DAB1: variants seen among roughly 807,000 people sequenced by gnomAD.
The protein encoded by DAB1 is disabled homolog 1.
Under a neutral mutation model 64.6 loss-of-function variants are expected in DAB1, and 15 were observed. The observed-to-expected ratio is 0.23, with a 90% CI of 0.16 to 0.36. The LOEUF is 0.36. Among genes scored for constraint, DAB1 ranks in the 10% least tolerant of loss-of-function variants. The pLI is 1.00. For synonymous variants in DAB1, 235 were observed against 251.9 expected (o/e 0.93, Z 0.64); for missense variants, 596 against 706.7 (o/e 0.84, Z 1.78).
intron 1 of DAB1, among the ~76,000 whole-genome samples, chr1:57,871,916 T>C (rs2101957755): frequency 6.6e-6 from 1 of 152,270 alleles, no homozygotes; most frequent in East Asian, 1.9e-4. Context: ...TATTTGTTCA[T>C]TCAACAGACA....
chr1:58,028,123 A>G (rs958650050), intron 5 of DAB1, among the ~76,000 whole-genome samples: 1 of 152,196 alleles, frequency 6.6e-6, no homozygotes, highest in Non-Finnish European at 1.5e-5. Flanking sequence ...CTCACTTAAT[A>G]TATGCAGCTA....
chr1:57,269,411 A>C (rs1037940629), intron 2 of DAB1, among the ~76,000 whole-genome samples: 7 of 152,050 alleles, frequency 4.6e-5, no homozygotes, highest in Non-Finnish European at 8.8e-5. Context: ...CCACTGGTTT[A>C]CCCTGTGGTC....
intron 1 of DAB1, among the ~76,000 whole-genome samples, chr1:57,839,944 C>T (rs549072253): frequency 1.3e-5 from 2 of 152,310 alleles, no homozygotes; most frequent in South Asian, 2.1e-4. Context: ...CAGTGCTTAC[C>T]TCTTTCAATA....
intron 4 of DAB1, among the ~76,000 whole-genome samples, chr1:58,266,360 A>G (rs1661162993): frequency 2.0e-5 from 3 of 152,184 alleles, no homozygotes; most frequent in South Asian, 2.1e-4. Context: ...GCTGGAGGGA[A>G]CAAGCTTCTC....
intron 4 of DAB1, among the ~76,000 whole-genome samples, chr1:58,196,531 C>A (rs1047668510): frequency 3.3e-5 from 5 of 152,128 alleles, no homozygotes; most frequent in Non-Finnish European, 7.3e-5. Context: ...TCCATTTTCA[C>A]ACTGCTATAA....
intron 1 of DAB1, among the ~76,000 whole-genome samples, chr1:57,354,460 A>G (rs898725231): frequency 2.0e-5 from 3 of 152,154 alleles, no homozygotes; most frequent in African/African-American, 4.8e-5. Flanking sequence ...GACATCTTCA[A>G]TGAAATTGCC....
At chr1:58,482,787 C>T (rs929486944) in intron 3 of DAB1, among the ~76,000 whole-genome samples, 2 of 152,020 alleles carry the variant, frequency 1.3e-5, no homozygotes, top group African/African-American at 2.4e-5. Flanking sequence ...GAGATGGGAG[C>T]GTGCCTGGGG....
chr1:57,500,112 C>T (rs1461348739), intron 7 of DAB1, among the ~76,000 whole-genome samples: 2 of 152,196 alleles, frequency 1.3e-5, no homozygotes, highest in Non-Finnish European at 2.9e-5. Flanking sequence ...CAAAATAGAA[C>T]AGAGTGAGCT....
intron 7 of DAB1, among the ~76,000 whole-genome samples, chr1:57,601,848 C>T (rs1257744830): frequency 8.5e-5 from 13 of 152,104 alleles, no homozygotes; most frequent in Admixed American, 8.5e-4. Context: ...GTACAAGGCA[C>T]TGTGCTAATT....
chr1:57,622,186 T>C (rs1324956572), intron 7 of DAB1, among the ~76,000 whole-genome samples: 3 of 152,222 alleles, frequency 2.0e-5, no homozygotes, highest in Non-Finnish European at 2.9e-5. Context: ...TGTTAACGTT[T>C]CTACCCATTA....
chr1:58,183,072 T>C (rs1043794514), intron 4 of DAB1, among the ~76,000 whole-genome samples: 3 of 152,022 alleles, frequency 2.0e-5, no homozygotes, highest in Non-Finnish European at 4.4e-5. Flanking sequence ...GTTTTTCTTT[T>C]ACTCCTCTTT....
intron 6 of DAB1, among the ~76,000 whole-genome samples, chr1:57,795,480 A>C (rs1296744360): frequency 6.6e-6 from 1 of 151,764 alleles, no homozygotes; most frequent in Non-Finnish European, 1.5e-5. Context: ...AGAAATGGAA[A>C]TACAGGTAGA....
chr1:57,480,044 C>T (rs544710202), intron 7 of DAB1, among the ~76,000 whole-genome samples: 3 of 150,668 alleles, frequency 2.0e-5, no homozygotes, highest in South Asian at 2.1e-4. Flanking sequence ...CCCAGCTACA[C>T]GGGAGGCTGA....
intron 4 of DAB1, chr1:58,343,325 G>A (rs1224250207): frequency 6.6e-6 from 1 of 152,168 alleles, no homozygotes; most frequent in Non-Finnish European, 1.5e-5. Flanking sequence ...AGAAATGTGT[G>A]CACTCTAGGT....
chr1:57,382,481 T>G (rs540153284), intron 1 of DAB1, among the ~76,000 whole-genome samples: 3 of 152,304 alleles, frequency 2.0e-5, no homozygotes, highest in East Asian at 1.9e-4. Flanking sequence ...CAATAGAATT[T>G]TATTATTTTC....
intron 14 of DAB1, among the ~76,000 whole-genome samples, chr1:57,007,362 T>A (rs1463494374): frequency 6.6e-6 from 1 of 152,204 alleles, no homozygotes; most frequent in Non-Finnish European, 1.5e-5. Flanking sequence ...AAAGCTAACA[T>A]TTCGTCCTCA....
At chr1:57,838,504 A>G (rs1652910811) in intron 1 of DAB1, among the ~76,000 whole-genome samples, 1 of 152,182 alleles carries the variant, frequency 6.6e-6, no homozygotes, top group African/African-American at 2.4e-5. Flanking sequence ...GTATAGAAAT[A>G]TATTCTTCCA....
rs578166134 is a variant in DAB1, at chr1:57,381,196, G to T, written c.-137+42734C>A. ...ACAGCATTCAAAGCATCTTCACATG[G>T]TTGGTTTTATAACTTAAGAAAGACT... On this transcript the variant is annotated intron_variant, in intron 1 of 14. Coordinates refer to ENST00000371236, the MANE Select transcript of DAB1 (RefSeq NM_001365792.1). Among the ~76,000 whole-genome samples, 5 of 152,216 alleles carry T rather than the reference G, an allele frequency of 3.3e-5. No individual in the cohort carries two copies. In the South Asian group the frequency reaches 8.3e-4, roughly 25 times the overall value.
chr1:58,048,349 C>CA (rs1290092024), intron 5 of DAB1: 7 of 1,010,174 alleles, frequency 6.9e-6, no homozygotes, highest in African/African-American at 1.6e-5. Flanking sequence ...TTTAATTGCC[C>CA]AAATCACTGT....
Sources: gnomAD v4.1 joint callset for allele counts (sites outside exome capture counted in the v4.1 genomes callset) on GRCh38, gnomAD v4.1.1 for gene constraint, MANE v1.5 for transcripts, NCBI Gene and HGNC (gene_info 2026-07-23, HGNC 2026-07-21) for gene names.